MAST3: variants seen among roughly 807,000 people sequenced by gnomAD.
The protein encoded by MAST3 is microtubule associated serine/threonine kinase 3.
Under a neutral mutation model 127.0 loss-of-function variants are expected in MAST3, and 43 were observed. That is an observed-to-expected ratio of 0.34 (90% confidence interval 0.27 to 0.44). MAST3 has a LOEUF of 0.44. Among genes scored for constraint, MAST3 ranks in the 20% least tolerant of loss-of-function variants. The pLI is 1.00. For synonymous variants in MAST3, 785 were observed against 809.2 expected (o/e 0.97, Z 0.51); for missense variants, 1,390 against 1,919.1 (o/e 0.72, Z 5.15).
chr19:18,127,225 G>A (rs4808748), intron 11 of MAST3, among the ~76,000 whole-genome samples: 96,063 of 151,556 alleles, frequency 0.63, 31,325 homozygotes, highest in East Asian at 0.85. Flanking sequence ...ACTCCAGCCT[G>A]GGTGACAGAG....
chr19:18,128,413 G>C lies in MAST3; in HGVS notation c.1092G>C (p.Leu364=), dbSNP rs1480530900. ...CTCATCTTGCAGAGATGGTGCCACTGAGTCACCTCGAAGAAGAACAGCCCC... is the reference window on the plus strand; with the variant it reads ...CTCATCTTGCAGAGATGGTGCCACTCAGTCACCTCGAAGAAGAACAGCCCC... The part of the protein sequence containing the change: ...AKDPLEEMVP[L]SHLEEEQPPA... The change falls in exon 12 of 28, where the codon CTG becomes CTC. Residue 364 remains leucine (L), a synonymous_variant. Coordinates refer to ENST00000687212, the MANE Select transcript of MAST3 (RefSeq NM_001393504.1). 1.3e-6 allele frequency: 2 copies of C among 1,553,942 alleles called. No individual in the cohort carries two copies. Among genetic ancestry groups the C allele is most frequent in the Non-Finnish European group, 8.7e-7 (1 of 1,149,466 alleles).
intron 1 of MAST3, among the ~76,000 whole-genome samples, chr19:18,102,739 C>G (rs551372566): frequency 9.5e-4 from 144 of 152,192 alleles, no homozygotes; most frequent in African/African-American, 3.3e-3. Flanking sequence ...CTTGGCCTCC[C>G]AGCGTGCTGG....
In MAST3 at chr19:18,120,159, G is replaced by A. The variant is rs150436408; in HGVS notation, c.162-1526G>A. Among the ~76,000 whole-genome samples, 633 of 152,342 alleles carry A rather than the reference G, an allele frequency of 4.2e-3. 5 individuals carry two copies. Among genetic ancestry groups the A allele is most frequent in the African/African-American group, 0.015 (603 of 41,586 alleles). ...GGAACTGGGATGGAAAGAGGAAAACGTGGGCAAAAGTTCAGCAGAAGAGGC... is the reference window on the plus strand; with the variant it reads ...GGAACTGGGATGGAAAGAGGAAAACATGGGCAAAAGTTCAGCAGAAGAGGC... On this transcript the variant is annotated intron_variant, in intron 3 of 27. Transcript: ENST00000687212.
At chr19:18,138,208 GAA>G (rs72398038) in intron 19 of MAST3, among the ~76,000 whole-genome samples, 1,481 of 142,746 alleles carry the variant, frequency 0.01, 35 homozygotes, top group Admixed American at 0.05. Context: ...AAAACTGCCT[GAA>G]AAAAAAAAAA....
intron 3 of MAST3, among the ~76,000 whole-genome samples, chr19:18,116,090 CTTTTTTTTTT>C (rs3048876): frequency 1.2e-5 from 1 of 86,374 alleles, no homozygotes; most frequent in African/African-American, 5.4e-5. Context: ...TTGAAATTAT[CTTTTTTTTTT>C]TTTTTTTTTT....
At chr19:18,126,494 C>T (rs985862804) in intron 11 of MAST3, among the ~76,000 whole-genome samples, 7 of 152,098 alleles carry the variant, frequency 4.6e-5, no homozygotes, top group African/African-American at 9.7e-5. Flanking sequence ...TGGGGAGGCC[C>T]GGCATGGTAG....
intron 1 of MAST3, among the ~76,000 whole-genome samples, chr19:18,105,771 T>C (rs2038022751): frequency 6.6e-6 from 1 of 152,186 alleles, no homozygotes; most frequent in Non-Finnish European, 1.5e-5. Context: ...CACGGCTTTC[T>C]ATCCTTCATG....
rs1239271117 is a variant in MAST3, at chr19:18,144,717, C to T, written c.2812+24C>T. ...AGGTAATGCCCAAGGCCCCTCTCAC[C>T]TTTGTCTGTCTGCACCCATTTTCAC... On this transcript the variant is annotated intron_variant, in intron 23 of 27. Coordinates refer to ENST00000687212, the MANE Select transcript of MAST3 (RefSeq NM_001393504.1). The surrounding 1 kb of genome is among the most constrained non-coding windows in gnomAD (Gnocchi z 4.0). The T allele has an allele frequency of 1.2e-6, 2 of 1,600,758 alleles. No homozygotes were observed. Among genetic ancestry groups the T allele is most frequent in the Admixed American group, 1.7e-5 (1 of 60,012 alleles).
intron 3 of MAST3, chr19:18,118,007 G>A (rs1676882404): frequency 9.7e-6 from 6 of 618,768 alleles, no homozygotes; most frequent in Non-Finnish European, 1.0e-5. Flanking sequence ...AGTTCCAGTC[G>A]CGCTCGGGGG....
intron 20 of MAST3, among the ~76,000 whole-genome samples, chr19:18,140,193 A>G (rs887635577): frequency 1.3e-5 from 2 of 150,916 alleles, no homozygotes; most frequent in Admixed American, 6.6e-5. Flanking sequence ...CAGCCTGACT[A>G]ACATGGTGAA....
In MAST3 at chr19:18,145,454, C is replaced by G. The variant is rs1402676555; in HGVS notation, c.3039+225C>G. 6.6e-6 allele frequency among the ~76,000 whole-genome samples: 1 copy of G among 152,212 alleles called. No homozygotes were observed. Among genetic ancestry groups the G allele is most frequent in the Non-Finnish European group, 1.5e-5 (1 of 68,038 alleles). ...ATCCCAAGTGGCATTAACCTCCCAGCTCCATATGGGGACGCACTGGGCATG... is the reference window on the plus strand; with the variant it reads ...ATCCCAAGTGGCATTAACCTCCCAGGTCCATATGGGGACGCACTGGGCATG... On this transcript the variant is annotated intron_variant, in intron 24 of 27. Transcript: ENST00000687212. This position sits in a 1 kb window ranked among gnomAD's most constrained non-coding sequence, Gnocchi z 5.9.
chr19:18,111,647 G>C (rs1318201438), intron 3 of MAST3, among the ~76,000 whole-genome samples: 1 of 146,410 alleles, frequency 6.8e-6, no homozygotes, highest in South Asian at 2.1e-4. Context: ...CAATTCTCCT[G>C]TTGTAGCCTC....
Position 18,145,704 on chromosome 19 carries a change from G to A in MAST3, c.3040-39G>A, listed in dbSNP as rs751635015. On this transcript the variant is annotated intron_variant, in intron 24 of 27. Transcript: ENST00000687212. The surrounding 1 kb of genome is among the most constrained non-coding windows in gnomAD (Gnocchi z 5.9). Reference sequence around the variant, plus strand: ...CTGGGCTGGGGTCCCCAGATGTGGGGCCCAGGCCATTGACCCCACCGTTCT... The same window carrying A: ...CTGGGCTGGGGTCCCCAGATGTGGGACCCAGGCCATTGACCCCACCGTTCT... The A allele has an allele frequency of 1.2e-5, 19 of 1,533,150 alleles. No individual in the cohort carries two copies. Among genetic ancestry groups the A allele is most frequent in the Non-Finnish European group, 1.5e-5 (17 of 1,146,022 alleles). 95.0% of individuals were successfully genotyped at this position (1,533,150 alleles called of 1,614,324 possible).
intron 5 of MAST3, 145 bp downstream of exon 5, chr19:18,122,067 C>A (rs768112570): frequency 2.0e-6 from 3 of 1,470,562 alleles, no homozygotes; most frequent in Non-Finnish European, 2.7e-6. Flanking sequence ...TGGTCTCCCC[C>A]TCTGGCTCCC....
chr19:18,146,902 C>T lies in MAST3; in HGVS notation c.3184C>T (p.Arg1062Trp), dbSNP rs1038885393. The change falls in exon 26 of 28, where the codon CGG (arginine) becomes TGG (tryptophan). Residue 1062 changes from arginine to tryptophan, a missense_variant. Around this residue, in one of 5 missense-constraint regions of MAST3, gnomAD observed 816 missense variants for 934.1 expected, o/e 0.87. Coordinates refer to ENST00000687212, the MANE Select transcript of MAST3 (RefSeq NM_001393504.1). ...GCAGAGCGGCAACAAGATATCCCTG[C>T]GGACCACAGCCCTGGAGAACACCTC... ...LLKSGNKISL[R>W]TTALENTSIK... 1.2e-5 allele frequency: 19 copies of T among 1,555,994 alleles called. 1 individual carries two copies. Among genetic ancestry groups the T allele is most frequent in the South Asian group, 5.9e-5 (5 of 84,304 alleles).
chr19:18,117,316 T>C (rs1246386755), intron 3 of MAST3, among the ~76,000 whole-genome samples: 1 of 152,200 alleles, frequency 6.6e-6, no homozygotes. Flanking sequence ...GTAATTCTCA[T>C]GTCAGTTCAG....
In MAST3 at chr19:18,110,483, C is replaced by T; in HGVS notation, c.72-169C>T. On this transcript the variant is annotated intron_variant, in intron 2 of 27. Coordinates refer to ENST00000687212, the MANE Select transcript of MAST3 (RefSeq NM_001393504.1). The surrounding 1 kb of genome is among the most constrained non-coding windows in gnomAD (Gnocchi z 4.3). Reference sequence around the variant, plus strand: ...AACGCACCGCCGCCTCCGGGGAGCCCTCCCGGGCCATCGGTCTGGCCCCGC... The same window carrying T: ...AACGCACCGCCGCCTCCGGGGAGCCTTCCCGGGCCATCGGTCTGGCCCCGC... 1.1e-6 allele frequency: 1 copy of T among 942,492 alleles called. No individual in the cohort carries two copies. The highest frequency in any genetic ancestry group is 5.5e-4 in the Middle Eastern group (1 of 1,824). 58.4% of individuals were successfully genotyped at this position (942,492 alleles called of 1,614,324 possible). A position where few individuals can be genotyped will look rare whatever the true frequency, so the allele number is the denominator to read the frequency against.
intron 3 of MAST3, among the ~76,000 whole-genome samples, chr19:18,119,513 A>G (rs1204431207): frequency 6.6e-6 from 1 of 152,184 alleles, no homozygotes; most frequent in Non-Finnish European, 1.5e-5. Context: ...CAGTCTGGAA[A>G]ATGGGCTCAG....
At position 18,141,913 on chromosome 19, in the gene MAST3, A is replaced by G; in HGVS notation, c.2237A>G (p.Gln746Arg). The G allele has an allele frequency of 4.6e-6, 7 of 1,529,672 alleles. No homozygotes were observed. Among genetic ancestry groups the G allele is most frequent in the Non-Finnish European group, 6.2e-6 (7 of 1,135,488 alleles). 94.8% of individuals were successfully genotyped at this position (1,529,672 alleles called of 1,614,324 possible). A position where few individuals can be genotyped will look rare whatever the true frequency, so the allele number is the denominator to read the frequency against. The change falls in exon 21 of 28, where the codon CAG (glutamine) becomes CGG (arginine). Residue 746 changes from glutamine (Q) to arginine (R), a missense_variant. This residue lies in a region of MAST3 where 816 missense variants were observed against 934.1 expected (regional missense o/e 0.87). Coordinates refer to ENST00000687212, the MANE Select transcript of MAST3 (RefSeq NM_001393504.1). ...AGCAGCTCTGAGTTCCTGGCCGTCCAGCCCACTCCTACCTTCGCTGAAAGG... is the reference window on the plus strand; with the variant it reads ...AGCAGCTCTGAGTTCCTGGCCGTCCGGCCCACTCCTACCTTCGCTGAAAGG... ...VYSSSEFLAVQPTPTFAERSF... is the reference protein window; with the variant it reads ...VYSSSEFLAVRPTPTFAERSF...
Sources: gnomAD v4.1 joint callset for allele counts (sites outside exome capture counted in the v4.1 genomes callset) on GRCh38, gnomAD v4.1.1 for gene constraint, gnomAD v4.1.1 regional missense constraint, Gnocchi (gnomAD v3.1) non-coding constraint, MANE v1.5 for transcripts, NCBI Gene and HGNC (gene_info 2026-07-23, HGNC 2026-07-21) for gene names.